The following CRYBG1 variants were observed in gnomAD, a reference collection of about 807,000 sequenced individuals.
CRYBG1 encodes crystallin beta-gamma domain containing 1, also known as beta/gamma crystallin domain-containing protein 1.
Under a neutral mutation model 189.2 loss-of-function variants are expected in CRYBG1, and 139 were observed. The ratio of observed to expected loss-of-function variants is 0.73; its 90% CI spans 0.64 to 0.85. CRYBG1 has a LOEUF of 0.85. CRYBG1 is among the 40% of genes least tolerant of loss of function. The pLI is 0.00. For missense variants in CRYBG1, 2,611 were observed against 2,675.8 expected (o/e 0.98, Z 0.53); for synonymous variants, 1,023 against 1,017.1 (o/e 1.01, Z -0.11).
chr6:106,551,881 CAGG>C lies in CRYBG1; in HGVS notation c.5345_5347del (p.Gly1782del). On this transcript the variant is annotated inframe_deletion, in exon 14 of 22. Transcript: ENST00000633556. ...GTAGCCTATGAAAATCCTGACTTCA[CAGG>C]AGAACAGTATATACTGGATAAAGGA... The C allele has an allele frequency of 6.2e-7, 1 of 1,612,080 alleles. No homozygotes were observed. Among genetic ancestry groups the C allele is most frequent in the Non-Finnish European group, 8.5e-7 (1 of 1,178,774 alleles).
At chr6:106,560,677 T>A in intron 18 of CRYBG1, 126 bp from the exon 19 acceptor site, 5 of 1,163,984 alleles carry the variant, frequency 4.3e-6, no homozygotes, top group Non-Finnish European at 5.8e-6. Context: ...AAAGATCATT[T>A]TTCCCCCAAT....
intron 8 of CRYBG1, among the ~76,000 whole-genome samples, chr6:106,530,668 G>T (rs572680660): frequency 1.3e-4 from 12 of 89,420 alleles, no homozygotes; most frequent in African/African-American, 3.9e-4. Flanking sequence ...TGATATTTCT[G>T]GGGGGGGATG....
chr6:106,441,335 G>A (rs747047091), intron 1 of CRYBG1, among the ~76,000 whole-genome samples: 3 of 152,068 alleles, frequency 2.0e-5, no homozygotes, highest in African/African-American at 4.8e-5. Context: ...AACTTTATTT[G>A]GATAGATGGA....
chr6:106,407,203 A>G (rs1770843231), intron 1 of CRYBG1, among the ~76,000 whole-genome samples: 1 of 90,938 alleles, frequency 1.1e-5, no homozygotes, highest in Admixed American at 1.2e-4. Flanking sequence ...TACCAAGAAT[A>G]TGGAAAGCAA....
intron 21 of CRYBG1, among the ~76,000 whole-genome samples, chr6:106,567,300 T>TA (rs1217784260): frequency 6.6e-6 from 1 of 152,170 alleles, no homozygotes; most frequent in Non-Finnish European, 1.5e-5. Flanking sequence ...GCTACAAACT[T>TA]ACACATAAAG....
chr6:106,519,807 G>C lies in CRYBG1; in HGVS notation c.2599G>C (p.Glu867Gln). 4 of 1,614,188 alleles carry C rather than the reference G, an allele frequency of 2.5e-6. No individual in the cohort carries two copies. Among genetic ancestry groups the C allele is most frequent in the Non-Finnish European group, 3.4e-6 (4 of 1,180,038 alleles). ...HTFSDSQSPA[E>Q]SSPGPSLSLS... Reference sequence around the variant, plus strand: ...ATTTTCTGACTCACAGTCCCCTGCTGAGTCATCTCCTGGGCCTTCTCTTTC... The same window carrying C: ...ATTTTCTGACTCACAGTCCCCTGCTCAGTCATCTCCTGGGCCTTCTCTTTC... The change falls in exon 4 of 22, where the codon GAG becomes CAG. Residue 867 changes from glutamate to glutamine, a missense_variant. This residue lies in a region of CRYBG1 where 1,622 missense variants were observed against 1,735.0 expected (regional missense o/e 0.93). Coordinates refer to ENST00000633556, the MANE Select transcript of CRYBG1 (RefSeq NM_001371242.2).
chr6:106,386,857 T>C (rs904582833), intron 1 of CRYBG1, among the ~76,000 whole-genome samples: 2 of 152,214 alleles, frequency 1.3e-5, no homozygotes, highest in Admixed American at 1.3e-4. Context: ...TGGACCACTA[T>C]CCGTCCATGG....
intron 1 of CRYBG1, among the ~76,000 whole-genome samples, chr6:106,413,401 G>T (rs184062862): frequency 5.3e-4 from 81 of 152,318 alleles, no homozygotes; most frequent in African/African-American, 1.8e-3. Flanking sequence ...TGTTGGCCAG[G>T]CATGGTGGCT....
intron 2 of CRYBG1, among the ~76,000 whole-genome samples, chr6:106,484,272 A>G (rs567083014): frequency 6.6e-6 from 1 of 151,494 alleles, no homozygotes; most frequent in African/African-American, 2.4e-5. Context: ...GAAGTCAGGT[A>G]GTGCGATGCC....
chr6:106,563,054 C>T lies in CRYBG1; in HGVS notation c.6139-710C>T, dbSNP rs2114600486. 3.3e-5 allele frequency among the ~76,000 whole-genome samples: 5 copies of T among 152,266 alleles called. No homozygotes were observed. The South Asian group carries it at 1.0e-3, about 32-fold the overall frequency. The stretch of plus-strand genomic sequence containing the variant: ...AAGTGATCCTCTCACCTTGGCCTCC[C>T]AAAGAGTTGGGATTACAGTTGTGAG... On this transcript the variant is annotated intron_variant, in intron 20 of 21. Coordinates refer to ENST00000633556, the MANE Select transcript of CRYBG1 (RefSeq NM_001371242.2).
intron 1 of CRYBG1, among the ~76,000 whole-genome samples, chr6:106,375,200 T>C (rs1211293503): frequency 6.6e-6 from 1 of 151,348 alleles, no homozygotes; most frequent in Non-Finnish European, 1.5e-5. Flanking sequence ...CTGGACAACA[T>C]AGTGAGACCC....
At chr6:106,405,022 C>G (rs1770795546) in intron 1 of CRYBG1, among the ~76,000 whole-genome samples, 1 of 151,946 alleles carries the variant, frequency 6.6e-6, no homozygotes, top group Non-Finnish European at 1.5e-5. Flanking sequence ...TCTGGAACGC[C>G]AGTAAGACAG....
intron 1 of CRYBG1, among the ~76,000 whole-genome samples, chr6:106,391,283 T>TAGA (rs1770496778): frequency 3.3e-5 from 5 of 152,188 alleles, no homozygotes; most frequent in African/African-American, 1.2e-4. Context: ...GGTTTCACCA[T>TAGA]GTTGGCCAGG....
intron 13 of CRYBG1, among the ~76,000 whole-genome samples, chr6:106,548,366 A>G (rs942434790): frequency 2.0e-5 from 3 of 152,352 alleles, no homozygotes; most frequent in African/African-American, 7.2e-5. Flanking sequence ...TTCAAGTAAC[A>G]TCTTAATAAA....
chr6:106,550,383 GA>G (rs1438865326), intron 13 of CRYBG1, among the ~76,000 whole-genome samples: 1 of 152,088 alleles, frequency 6.6e-6, no homozygotes, highest in Non-Finnish European at 1.5e-5. Context: ...TGAATTAATT[GA>G]AAAGATACTT....
At chr6:106,437,812 T>G (rs535912924) in intron 1 of CRYBG1, among the ~76,000 whole-genome samples, 2 of 152,330 alleles carry the variant, frequency 1.3e-5, no homozygotes, top group African/African-American at 4.8e-5. Context: ...CATAATACGC[T>G]CCTAATCTTT....
intron 1 of CRYBG1, among the ~76,000 whole-genome samples, chr6:106,448,775 T>C (rs4530901): frequency 0.84 from 127,512 of 152,132 alleles, 53,483 homozygotes; most frequent in East Asian, 0.93. Flanking sequence ...TCTTCAGGTG[T>C]CTAATTTCTG....
At chr6:106,546,889 G>A (rs546533497) in intron 13 of CRYBG1, among the ~76,000 whole-genome samples, 2 of 152,304 alleles carry the variant, frequency 1.3e-5, no homozygotes, top group East Asian at 1.9e-4. Flanking sequence ...TCAGAGCCTA[G>A]TCATCCACCC....
At chr6:106,567,847 A>C (rs1339256489) in intron 21 of CRYBG1, among the ~76,000 whole-genome samples, 1 of 152,110 alleles carries the variant, frequency 6.6e-6, no homozygotes, top group Non-Finnish European at 1.5e-5. Context: ...TAGTTTTACA[A>C]TACTGTGGTA....
Sources: allele counts gnomAD v4.1 joint callset (sites outside exome capture counted in the v4.1 genomes callset), GRCh38; gene constraint gnomAD v4.1.1; regional missense constraint gnomAD v4.1.1; transcripts MANE v1.5; gene names NCBI Gene and HGNC (gene_info 2026-07-23, HGNC 2026-07-21).